DAB1: variants seen among roughly 807,000 people sequenced by gnomAD.
DAB1 encodes the protein disabled homolog 1.
Under a neutral mutation model 64.6 loss-of-function variants are expected in DAB1, and 15 were observed. The observed-to-expected ratio is 0.23, with a 90% CI of 0.16 to 0.36. DAB1 has a LOEUF of 0.36. Among genes scored for constraint, DAB1 ranks in the 10% least tolerant of loss-of-function variants. The pLI, the probability that DAB1 is intolerant of heterozygous loss-of-function variation, is 1.00. For synonymous variants in DAB1, 235 were observed against 251.9 expected (o/e 0.93, Z 0.64); for missense variants, 596 against 706.7 (o/e 0.84, Z 1.78).
At position 57,999,101 on chromosome 1, in the gene DAB1, C is replaced by A. The variant is rs143405216; in HGVS notation, n.388-114939G>T. Among the ~76,000 whole-genome samples, 36 of 152,320 alleles carry A rather than the reference C, an allele frequency of 2.4e-4. No homozygotes were observed. The East Asian group carries it at 6.8e-3, about 29-fold the overall frequency. ...ACATTTTTAATCCTCGCTGTTCCTG[C>A]CAAAGACTAACCTTCCTTTAAGAGG... On this transcript the variant is annotated intron_variant and non_coding_transcript_variant, in intron 5 of 20. Coordinates refer to the DAB1 transcript ENST00000485760.
At chr1:57,745,959 T>A (rs1008494589) in intron 6 of DAB1, among the ~76,000 whole-genome samples, 1 of 152,222 alleles carries the variant, frequency 6.6e-6, no homozygotes, top group Non-Finnish European at 1.5e-5. Flanking sequence ...AACAGTATTA[T>A]ACTGTACATA....
intron 2 of DAB1, among the ~76,000 whole-genome samples, chr1:57,270,770 G>A (rs896718055): frequency 3.3e-5 from 5 of 152,130 alleles, no homozygotes; most frequent in Non-Finnish European, 5.9e-5. Context: ...TGTGTTGAGG[G>A]AGCCTCCCTC....
intron 2 of DAB1, among the ~76,000 whole-genome samples, chr1:57,213,407 C>T (rs197606): frequency 0.18 from 27,923 of 152,048 alleles, 5,237 homozygotes; most frequent in African/African-American, 0.48. Flanking sequence ...ATGTCACTCA[C>T]GGCCACCAAA....
intron 4 of DAB1, among the ~76,000 whole-genome samples, chr1:58,260,275 T>C (rs1189752647): frequency 6.6e-6 from 1 of 152,128 alleles, no homozygotes; most frequent in Non-Finnish European, 1.5e-5. Context: ...CACAACGTCA[T>C]ACATCAGCTT....
chr1:57,662,158 C>G (rs1380576947), intron 6 of DAB1, among the ~76,000 whole-genome samples: 2 of 152,034 alleles, frequency 1.3e-5, no homozygotes, highest in African/African-American at 4.8e-5. Context: ...GCTACAAAAG[C>G]TCTGTCTAGA....
At chr1:58,132,214 C>T (rs1380554132) in intron 5 of DAB1, among the ~76,000 whole-genome samples, 8 of 152,118 alleles carry the variant, frequency 5.3e-5, no homozygotes, top group Non-Finnish European at 8.8e-5. Context: ...GGGAGTGACC[C>T]GATTTTCCAG....
upstream of DAB1, among the ~76,000 whole-genome samples, chr1:57,424,360 G>A (rs1020561844): frequency 6.6e-6 from 1 of 151,720 alleles, no homozygotes; most frequent in Non-Finnish European, 1.5e-5. Context: ...CGAGCGAGCG[G>A]GGGCGCCGCG....
intron 9 of DAB1, among the ~76,000 whole-genome samples, chr1:57,049,579 A>G (rs934634070): frequency 6.6e-6 from 1 of 150,926 alleles, no homozygotes; most frequent in Admixed American, 6.6e-5. Context: ...CTTCCAAAGC[A>G]TGTCACCTCA....
At position 57,839,059 on chromosome 1, in the gene DAB1, G is replaced by T. The variant is rs1319959045; in HGVS notation, n.88-12604C>A. 3.3e-5 allele frequency among the ~76,000 whole-genome samples: 5 copies of T among 152,018 alleles called. No homozygotes were observed. The East Asian group carries it at 9.6e-4, about 29-fold the overall frequency. On this transcript the variant is annotated intron_variant and non_coding_transcript_variant, in intron 1 of 1. Coordinates refer to the DAB1 transcript ENST00000477280. Reference sequence around the variant, plus strand: ...GCCTCCCAAAGTTGTAGGATTACACGCATGAGCCACTGCACCCAGCCAAAT... The same window carrying T: ...GCCTCCCAAAGTTGTAGGATTACACTCATGAGCCACTGCACCCAGCCAAAT...
intron 3 of DAB1, among the ~76,000 whole-genome samples, chr1:58,422,780 G>T (rs907454134): frequency 6.6e-6 from 1 of 151,626 alleles, no homozygotes; most frequent in African/African-American, 2.4e-5. Context: ...GATGCTGTTT[G>T]GTGGACAGTG....
chr1:57,896,313 G>A (rs923191813), intron 5 of DAB1, among the ~76,000 whole-genome samples: 5 of 151,742 alleles, frequency 3.3e-5, no homozygotes, highest in Admixed American at 6.6e-5. Flanking sequence ...TACTCACTAA[G>A]TGTACTACTA....
At chr1:57,600,308 T>C (rs1222594891) in intron 7 of DAB1, among the ~76,000 whole-genome samples, 1 of 152,040 alleles carries the variant, frequency 6.6e-6, no homozygotes, top group Non-Finnish European at 1.5e-5. Context: ...ATGGAATCGA[T>C]CAGAATAACA....
intron 3 of DAB1, among the ~76,000 whole-genome samples, chr1:57,137,428 T>C (rs941132092): frequency 2.6e-5 from 4 of 152,194 alleles, no homozygotes; most frequent in African/African-American, 9.7e-5. Context: ...GATGAATATG[T>C]GCTATCCAGA....
At chr1:58,198,796 G>T (rs1393233149) in intron 4 of DAB1, among the ~76,000 whole-genome samples, 3 of 152,158 alleles carry the variant, frequency 2.0e-5, no homozygotes, top group African/African-American at 7.2e-5. Flanking sequence ...ATTTCTGCTA[G>T]CTTGGATGAA....
At chr1:57,886,505 A>T (rs1644224523), upstream of DAB1, among the ~76,000 whole-genome samples, 4 of 152,150 alleles carry the variant, frequency 2.6e-5, no homozygotes, top group South Asian at 8.3e-4. Flanking sequence ...GCAGTTAACA[A>T]ATTCTTTACC....
chr1:57,143,836 T>C (rs929707610), intron 3 of DAB1, among the ~76,000 whole-genome samples: 1 of 151,886 alleles, frequency 6.6e-6, no homozygotes, highest in Non-Finnish European at 1.5e-5. Context: ...CTTTTTTTTT[T>C]CCTTTTCTTT....
intron 1 of DAB1, among the ~76,000 whole-genome samples, chr1:57,303,771 T>G (rs939412695): frequency 3.9e-5 from 6 of 152,160 alleles, no homozygotes; most frequent in African/African-American, 1.4e-4. Flanking sequence ...CAAAATCCTG[T>G]GCAGTGGGAA....
intron 1 of DAB1, among the ~76,000 whole-genome samples, chr1:57,409,992 A>G (rs1469186583): frequency 6.6e-6 from 1 of 152,204 alleles, no homozygotes; most frequent in Non-Finnish European, 1.5e-5. Flanking sequence ...AAGCAAACAC[A>G]TTCTATTAAC....
At chr1:57,272,520 A>C (rs767588951) in intron 2 of DAB1, among the ~76,000 whole-genome samples, 1 of 152,172 alleles carries the variant, frequency 6.6e-6, no homozygotes, top group Non-Finnish European at 1.5e-5. Context: ...ACTTACATAC[A>C]TGATTTCATC....
Sources: allele counts gnomAD v4.1 joint callset (sites outside exome capture counted in the v4.1 genomes callset), GRCh38; gene constraint gnomAD v4.1.1; transcripts MANE v1.5; gene names NCBI Gene and HGNC (gene_info 2026-07-23, HGNC 2026-07-21).